CTIF: variants seen among roughly 807,000 people sequenced by gnomAD.
CTIF encodes the protein CBP80/20-dependent translation initiation factor.
A neutral mutation model predicts 66.0 loss-of-function variants in CTIF; 21 were observed. That is an observed-to-expected ratio of 0.32 (90% CI 0.23 to 0.46). The LOEUF (loss-of-function observed/expected upper bound fraction) is 0.46, where lower values mean the gene tolerates loss of function less well. Ranked by LOEUF, CTIF falls within the 20% of genes least tolerant of loss-of-function variation. CTIF has a pLI of 1.00. For synonymous variants in CTIF, 345 were observed against 326.4 expected (o/e 1.06, Z -0.62); for missense variants, 739 against 812.7 (o/e 0.91, Z 1.10).
At chr18:48,671,410 G>C (rs2091532642) in intron 6 of CTIF, among the ~76,000 whole-genome samples, 1 of 152,158 alleles carries the variant, frequency 6.6e-6, no homozygotes, top group African/African-American at 2.4e-5. Context: ...GCCGCTGCCA[G>C]TGACCATGAC....
intron 1 of CTIF, among the ~76,000 whole-genome samples, chr18:48,542,932 G>A (rs2088654370): frequency 6.6e-6 from 1 of 152,228 alleles, no homozygotes; most frequent in African/African-American, 2.4e-5. Context: ...CTAAGGAGAT[G>A]TTCTCCGTGG....
intron 2 of CTIF, chr18:48,625,187 A>G (rs2090571914): frequency 1.0e-6 from 1 of 984,202 alleles, no homozygotes; most frequent in Non-Finnish European, 1.2e-6. Flanking sequence ...CTTTGCTCAC[A>G]GGAGGAAGTA....
intron 1 of CTIF, among the ~76,000 whole-genome samples, chr18:48,561,506 C>T (rs545191991): frequency 6.6e-6 from 1 of 152,138 alleles, no homozygotes; most frequent in African/African-American, 2.4e-5. Flanking sequence ...ACAGTTAAGA[C>T]CCTTCTCAGA....
intron 2 of CTIF, among the ~76,000 whole-genome samples, chr18:48,620,810 C>A (rs1319722630): frequency 6.6e-6 from 1 of 152,162 alleles, no homozygotes; most frequent in East Asian, 1.9e-4. Context: ...TGAGTCCAAC[C>A]ACCTGGCTCA....
At chr18:48,685,115 T>A (rs1304789317) in intron 6 of CTIF, among the ~76,000 whole-genome samples, 1 of 152,124 alleles carries the variant, frequency 6.6e-6, no homozygotes, top group Non-Finnish European at 1.5e-5. Context: ...TCAATCTTTC[T>A]TTGTCTTTTA....
At chr18:48,789,421 C>T (rs2067744414) in intron 9 of CTIF, among the ~76,000 whole-genome samples, 1 of 152,156 alleles carries the variant, frequency 6.6e-6, no homozygotes, top group Non-Finnish European at 1.5e-5. Context: ...CCCTGGCCCT[C>T]AATAAGTGCT....
chr18:48,560,277 A>G (rs1318596038), intron 1 of CTIF, among the ~76,000 whole-genome samples: 1 of 145,268 alleles, frequency 6.9e-6, no homozygotes, highest in Non-Finnish European at 1.5e-5. Context: ...CCCAGGCCGG[A>G]GTGAAGTGGT....
intron 3 of CTIF, 38 bp downstream of exon 3, chr18:48,636,723 T>A: frequency 6.7e-7 from 1 of 1,487,678 alleles, no homozygotes; most frequent in Non-Finnish European, 9.0e-7. Flanking sequence ...GGGGGTGTCC[T>A]ATGTCTTGTC....
chr18:48,769,993 G>A lies in CTIF; in HGVS notation c.1371+8304G>A, dbSNP rs113113892. Among the ~76,000 whole-genome samples, 311 of 152,318 alleles carry A rather than the reference G, an allele frequency of 2.0e-3. 3 individuals carry two copies. The highest frequency in any genetic ancestry group is 7.1e-3 in the African/African-American group (297 of 41,562). Reference sequence around the variant, plus strand: ...CTGACTGTTCAGTTTGGGTGGGGCGGGGGAACATGTGGCTTCCAGGAGTGC... The same window carrying A: ...CTGACTGTTCAGTTTGGGTGGGGCGAGGGAACATGTGGCTTCCAGGAGTGC... On this transcript the variant is annotated intron_variant, in intron 9 of 11. Coordinates refer to ENST00000256413, the MANE Select transcript of CTIF (RefSeq NM_014772.3).
In CTIF at chr18:48,567,557, G is replaced by C. The variant is rs181172442; in HGVS notation, c.-29+28245G>C. ...TAATTAGCAAATAAAACAAGGGCAA[G>C]TCTATTGAGAGCCACTTTCTATGGC... On this transcript the variant is annotated intron_variant, in intron 1 of 11. Transcript: ENST00000256413. 3.3e-5 allele frequency: 5 copies of C among 152,342 alleles called. No individual in the cohort carries two copies. In the East Asian group the frequency reaches 9.6e-4, roughly 29 times the overall value. The allele number at this position is 152,342 out of a possible 1,614,324, so 9.4% of individuals were successfully genotyped here. A position where few individuals can be genotyped will look rare whatever the true frequency, so the allele number is the denominator to read the frequency against.
At chr18:48,790,788 C>A (rs889029777) in intron 9 of CTIF, among the ~76,000 whole-genome samples, 5 of 152,194 alleles carry the variant, frequency 3.3e-5, no homozygotes, top group Admixed American at 1.3e-4. Flanking sequence ...CCTGCAGTCG[C>A]CACCCTGGAA....
intron 1 of CTIF, among the ~76,000 whole-genome samples, chr18:48,599,000 C>T (rs1225527228): frequency 5.3e-5 from 8 of 152,012 alleles, no homozygotes; most frequent in South Asian, 2.1e-4. Context: ...GATAGGATGC[C>T]GCCACCTTTG....
chr18:48,617,287 C>T (rs575965560), intron 1 of CTIF, among the ~76,000 whole-genome samples: 8 of 152,340 alleles, frequency 5.3e-5, no homozygotes, highest in South Asian at 2.1e-4. Context: ...TCTCTGGCTT[C>T]TTCTGCTGTG....
chr18:48,573,140 A>G (rs1030692772), intron 1 of CTIF, among the ~76,000 whole-genome samples: 2 of 152,216 alleles, frequency 1.3e-5, no homozygotes, highest in African/African-American at 4.8e-5. Flanking sequence ...CGTCTGGATC[A>G]GGAAGGCTGC....
intron 1 of CTIF, chr18:48,567,460 T>C (rs562652863): frequency 6.6e-6 from 1 of 152,364 alleles, no homozygotes; most frequent in South Asian, 2.1e-4. Flanking sequence ...TCATTGAGTA[T>C]TTTCTTTGTG....
chr18:48,622,259 G>A (rs889091859), intron 2 of CTIF, among the ~76,000 whole-genome samples: 1 of 152,158 alleles, frequency 6.6e-6, no homozygotes, highest in Non-Finnish European at 1.5e-5. Context: ...TGGTAGCAAA[G>A]AGACTGAGCT....
At chr18:48,770,259 G>A (rs1263007320) in intron 9 of CTIF, among the ~76,000 whole-genome samples, 1 of 152,212 alleles carries the variant, frequency 6.6e-6, no homozygotes, top group Admixed American at 6.5e-5. Flanking sequence ...AGGCCCCCAG[G>A]GACCAGTGAG....
At chr18:48,699,187 C>T (rs1220734507) in intron 6 of CTIF, among the ~76,000 whole-genome samples, 1 of 152,172 alleles carries the variant, frequency 6.6e-6, no homozygotes, top group Non-Finnish European at 1.5e-5. Flanking sequence ...GTGTCTCAGT[C>T]GAGTTTCTTG....
chr18:48,558,672 GTTTTGCAAA>G (rs2089078415), intron 1 of CTIF, among the ~76,000 whole-genome samples: 1 of 152,110 alleles, frequency 6.6e-6, no homozygotes, highest in Non-Finnish European at 1.5e-5. Flanking sequence ...AAATGCATCT[GTTTTGCAAA>G]TTTAGATTCT....
Sources: gnomAD v4.1 joint callset for allele counts (sites outside exome capture counted in the v4.1 genomes callset) on GRCh38, gnomAD v4.1.1 for gene constraint, MANE v1.5 for transcripts, NCBI Gene and HGNC (gene_info 2026-07-23, HGNC 2026-07-21) for gene names.